The following ARPC1A variants were observed in gnomAD, a reference collection of about 807,000 sequenced individuals.
ARPC1A encodes the protein actin related protein 2/3 complex subunit 1A.
In ARPC1A, 8 loss-of-function variants were observed where a neutral mutation model predicts 46.9. That is an observed-to-expected ratio of 0.17 (90% CI 0.10 to 0.31). The LOEUF (loss-of-function observed/expected upper bound fraction) is 0.31, where lower values mean the gene tolerates loss of function less well. Among genes scored for constraint, ARPC1A ranks in the 10% least tolerant of loss-of-function variants. The pLI, the probability that ARPC1A is intolerant of heterozygous loss-of-function variation, is 1.00. For synonymous variants in ARPC1A, 152 were observed against 169.0 expected (o/e 0.90, Z 0.78); for missense variants, 286 against 483.6 (o/e 0.59, Z 3.83).
intron 4 of ARPC1A, 130 bp downstream of exon 4, chr7:99,344,645 C>A: frequency 2.1e-6 from 2 of 963,702 alleles, no homozygotes; most frequent in Non-Finnish European, 3.1e-6. Context: ...ATTCTCGATT[C>A]TGTCTGAGCA....
At chr7:99,349,238 T>C (rs532229038) in intron 5 of ARPC1A, among the ~76,000 whole-genome samples, 28 of 152,126 alleles carry the variant, frequency 1.8e-4, no homozygotes, top group Admixed American at 7.2e-4. Context: ...ATTGTCTTTA[T>C]TCTTTGTAGA....
intron 4 of ARPC1A, among the ~76,000 whole-genome samples, chr7:99,348,409 A>C (rs995041719): frequency 2.0e-5 from 3 of 152,160 alleles, no homozygotes; most frequent in Non-Finnish European, 2.9e-5. Flanking sequence ...TCTGTCCTTT[A>C]GCAATGCACC....
chr7:99,353,359 C>A (rs1290441125), intron 5 of ARPC1A, among the ~76,000 whole-genome samples: 5 of 152,002 alleles, frequency 3.3e-5, no homozygotes, highest in African/African-American at 1.2e-4. Context: ...GGGGTTTCAC[C>A]GTATTAGCCA....
chr7:99,360,394 C>T (rs191915421), intron 8 of ARPC1A, among the ~76,000 whole-genome samples: 3 of 150,924 alleles, frequency 2.0e-5, no homozygotes, highest in Non-Finnish European at 2.9e-5. Context: ...GCCACAATCT[C>T]GGCTCACTGC....
chr7:99,359,067 G>A (rs1247126497), intron 7 of ARPC1A, among the ~76,000 whole-genome samples: 7 of 150,268 alleles, frequency 4.7e-5, no homozygotes, highest in South Asian at 4.3e-4. Flanking sequence ...TCCTGACCTC[G>A]TGATCCGCCC....
At chr7:99,334,018 CACACACACACACATAT>C (rs1280731576) in intron 2 of ARPC1A, among the ~76,000 whole-genome samples, 5 of 141,490 alleles carry the variant, frequency 3.5e-5, no homozygotes, top group East Asian at 2.3e-4. Flanking sequence ...CACACACACA[CACACACACACACATAT>C]ATATGTATTT....
intron 4 of ARPC1A, among the ~76,000 whole-genome samples, chr7:99,347,555 A>C (rs183966439): frequency 2.6e-5 from 4 of 151,988 alleles, no homozygotes; most frequent in Non-Finnish European, 4.4e-5. Flanking sequence ...AATTACAAAA[A>C]TTAGCCGGGC....
rs866476854 is a variant in ARPC1A at position 99,364,413 on chromosome 7, C to T, written c.1074+780C>T. On this transcript the variant is annotated intron_variant, in intron 9 of 9. Coordinates refer to ENST00000262942, the MANE Select transcript of ARPC1A (RefSeq NM_006409.4). The stretch of plus-strand genomic sequence containing the variant: ...TCAGCCTCCCAAGTAGCTGGGATTA[C>T]AGACATGTGCCACCACGCCCAGCTA... Among the ~76,000 whole-genome samples the T allele has an allele frequency of 3.9e-5, 6 of 152,068 alleles. No homozygotes were observed. In the South Asian group the frequency reaches 1.2e-3, roughly 32 times the overall value.
At chr7:99,349,291 G>A (rs900010823) in intron 5 of ARPC1A, among the ~76,000 whole-genome samples, 1 of 152,010 alleles carries the variant, frequency 6.6e-6, no homozygotes, top group African/African-American at 2.4e-5. Context: ...TTGAACTCCT[G>A]GCCTCAAGTG....
chr7:99,338,117 A>G (rs766948531), intron 2 of ARPC1A, 64 bp from the exon 3 acceptor site: 16 of 1,242,888 alleles, frequency 1.3e-5, no homozygotes, highest in Non-Finnish European at 1.7e-5. Context: ...CAACTGTGAC[A>G]TGTCCCCTTT....
At chr7:99,339,007 T>C (rs1793314173) in intron 3 of ARPC1A, among the ~76,000 whole-genome samples, 1 of 152,180 alleles carries the variant, frequency 6.6e-6, no homozygotes, top group African/African-American at 2.4e-5. Context: ...CAAAGTAATA[T>C]AATAAACACC....
At chr7:99,343,237 A>G (rs1287819364) in intron 3 of ARPC1A, among the ~76,000 whole-genome samples, 1 of 152,066 alleles carries the variant, frequency 6.6e-6, no homozygotes, top group East Asian at 1.9e-4. Flanking sequence ...AGGCTGAGAC[A>G]GGCAGATCGC....
At chr7:99,350,520 TA>T (rs1444236445) in intron 5 of ARPC1A, among the ~76,000 whole-genome samples, 1 of 152,164 alleles carries the variant, frequency 6.6e-6, no homozygotes, top group African/African-American at 2.4e-5. Flanking sequence ...AATTGCTTTT[TA>T]AAGTTGTTCT....
At chr7:99,328,751 A>G (rs1793094526) in intron 1 of ARPC1A, among the ~76,000 whole-genome samples, 1 of 152,012 alleles carries the variant, frequency 6.6e-6, no homozygotes, top group Admixed American at 6.6e-5. Flanking sequence ...GGAGTTTGAG[A>G]CCAGCCTGGA....
rs183785668 is a variant in ARPC1A, at chr7:99,328,215, C to A, written c.-30+2211C>A. Among the ~76,000 whole-genome samples, 1,443 of 151,974 alleles carry A rather than the reference C, an allele frequency of 9.5e-3. 18 individuals carry two copies. Among genetic ancestry groups the A allele is most frequent in the African/African-American group, 0.033 (1,376 of 41,490 alleles). On this transcript the variant is annotated intron_variant, in intron 1 of 9. Transcript: ENST00000262942. The stretch of plus-strand genomic sequence containing the variant: ...AGAAACCCCGTCTCTACTAAAAATA[C>A]AAAATTAGCCAGGCATGGTGGCACG...
intron 9 of ARPC1A, among the ~76,000 whole-genome samples, chr7:99,364,089 G>A (rs1793786630): frequency 2.0e-5 from 3 of 151,796 alleles, no homozygotes; most frequent in Admixed American, 2.0e-4. Flanking sequence ...CAAGTAGTTG[G>A]GATTACAGGA....
intron 1 of ARPC1A, among the ~76,000 whole-genome samples, chr7:99,332,862 A>G (rs1376287612): frequency 7.0e-6 from 1 of 142,932 alleles, no homozygotes; most frequent in Non-Finnish European, 1.5e-5. Context: ...TGGCCTCCCA[A>G]AGAAAGTTCT....
intron 2 of ARPC1A, among the ~76,000 whole-genome samples, chr7:99,337,119 A>T (rs1353748796): frequency 2.0e-5 from 3 of 152,034 alleles, no homozygotes; most frequent in Non-Finnish European, 4.4e-5. Context: ...ATACGATTTG[A>T]GCACTGAAAA....
chr7:99,360,009 A>G (rs909668608), intron 8 of ARPC1A: 12 of 494,898 alleles, frequency 2.4e-5, no homozygotes, highest in East Asian at 1.1e-4. Flanking sequence ...CCTTGTTGCA[A>G]TCTGAGGTGG....
Sources: allele counts gnomAD v4.1 joint callset (sites outside exome capture counted in the v4.1 genomes callset), GRCh38; gene constraint gnomAD v4.1.1; transcripts MANE v1.5; gene names NCBI Gene and HGNC (gene_info 2026-07-23, HGNC 2026-07-21).